CTDSPL: variants seen among roughly 807,000 people sequenced by gnomAD.
CTDSPL encodes the protein CTD small phosphatase like.
CTDSPL carries 8 observed loss-of-function variants against 30.5 expected under a neutral mutation model. That is an observed-to-expected ratio of 0.26 (90% confidence interval 0.15 to 0.47). CTDSPL has a LOEUF of 0.47. Ranked by LOEUF, CTDSPL falls within the 20% of genes least tolerant of loss-of-function variation. The pLI, the probability that CTDSPL is intolerant of heterozygous loss-of-function variation, is 0.99. For missense variants in CTDSPL, 248 were observed against 366.1 expected (o/e 0.68, Z 2.63); for synonymous variants, 110 against 137.9 (o/e 0.80, Z 1.42).
intron 1 of CTDSPL, among the ~76,000 whole-genome samples, chr3:37,928,431 G>C (rs1045401421): frequency 2.0e-5 from 3 of 152,176 alleles, no homozygotes; most frequent in Admixed American, 6.5e-5. Context: ...AGCCTAATAG[G>C]TGTGAAGTGA....
chr3:37,866,828 G>A (rs1297590026), intron 1 of CTDSPL, among the ~76,000 whole-genome samples: 1 of 152,098 alleles, frequency 6.6e-6, no homozygotes, highest in Non-Finnish European at 1.5e-5. Context: ...GAAGACTTTT[G>A]GAAGCAATAA....
intron 1 of CTDSPL, among the ~76,000 whole-genome samples, chr3:37,924,823 C>T (rs887923876): frequency 5.9e-5 from 9 of 152,162 alleles, no homozygotes; most frequent in African/African-American, 2.2e-4. Context: ...GGTAGGCTCT[C>T]GCTGTCCTGC....
At chr3:37,892,825 A>G (rs575404824) in intron 1 of CTDSPL, among the ~76,000 whole-genome samples, 2 of 152,316 alleles carry the variant, frequency 1.3e-5, no homozygotes, top group Admixed American at 6.5e-5. Context: ...TAAATACTTA[A>G]TAAGTGTGCT....
chr3:37,866,291 A>C (rs972048606), intron 1 of CTDSPL, among the ~76,000 whole-genome samples: 1 of 152,168 alleles, frequency 6.6e-6, no homozygotes, highest in African/African-American at 2.4e-5. Flanking sequence ...TTTGAAGAAC[A>C]GTATAAACAG....
chr3:37,891,977 G>T (rs1366109243), intron 1 of CTDSPL, among the ~76,000 whole-genome samples: 1 of 152,096 alleles, frequency 6.6e-6, no homozygotes, highest in Non-Finnish European at 1.5e-5. Flanking sequence ...ATAAAAATGA[G>T]ATCAATACAA....
At chr3:37,867,629 C>G (rs1698025633) in intron 1 of CTDSPL, among the ~76,000 whole-genome samples, 1 of 152,132 alleles carries the variant, frequency 6.6e-6, no homozygotes, top group African/African-American at 2.4e-5. Flanking sequence ...TTGGTGTTGT[C>G]ACTGTTTTTA....
At chr3:37,883,708 T>C (rs1698233540) in intron 1 of CTDSPL, among the ~76,000 whole-genome samples, 1 of 152,212 alleles carries the variant, frequency 6.6e-6, no homozygotes, top group Non-Finnish European at 1.5e-5. Context: ...GTGAAGCCCT[T>C]TGGGGCCTGG....
intron 1 of CTDSPL, among the ~76,000 whole-genome samples, chr3:37,938,110 A>C (rs1698935542): frequency 6.7e-6 from 1 of 150,230 alleles, no homozygotes; most frequent in Non-Finnish European, 1.5e-5. Context: ...TTCCACCTAC[A>C]TTCCAGCTAC....
At chr3:37,959,919 T>C (rs1699216441) in intron 3 of CTDSPL, among the ~76,000 whole-genome samples, 1 of 152,186 alleles carries the variant, frequency 6.6e-6, no homozygotes, top group Non-Finnish European at 1.5e-5. Context: ...AAGAATAGTA[T>C]CAGGCCAGGC....
chr3:37,934,003 A>G (rs1172500173), intron 1 of CTDSPL, among the ~76,000 whole-genome samples: 1 of 152,244 alleles, frequency 6.6e-6, no homozygotes, highest in African/African-American at 2.4e-5. Context: ...ATGGCACAGT[A>G]TATGTCCATA....
intron 1 of CTDSPL, among the ~76,000 whole-genome samples, chr3:37,946,115 G>A (rs868172235): frequency 2.0e-5 from 3 of 152,202 alleles, no homozygotes; most frequent in African/African-American, 2.4e-5. Flanking sequence ...CCACTGATCC[G>A]CCCAGGCATG....
In CTDSPL at chr3:37,961,896, A is replaced by C. The variant is rs564908653; in HGVS notation, c.268-2675A>C. Among the ~76,000 whole-genome samples, 9 of 152,266 alleles carry C rather than the reference A, an allele frequency of 5.9e-5. No homozygotes were observed. The South Asian group carries it at 8.3e-4, about 14-fold the overall frequency. ...GAAATAAGCTTAGTGTTAACTATTC[A>C]TGGCTGCCAGTTCTCTGCCAAGGAC... On this transcript the variant is annotated intron_variant, in intron 3 of 7. Transcript: ENST00000273179.
At chr3:37,923,849 A>T (rs1179822444) in intron 1 of CTDSPL, among the ~76,000 whole-genome samples, 1 of 152,004 alleles carries the variant, frequency 6.6e-6, no homozygotes, top group East Asian at 1.9e-4. Context: ...TTCACACAGT[A>T]TTAAATCACT....
chr3:37,882,047 C>T (rs558401527), intron 1 of CTDSPL, among the ~76,000 whole-genome samples: 10 of 152,322 alleles, frequency 6.6e-5, no homozygotes, highest in Admixed American at 5.9e-4. Flanking sequence ...GTGGCTCACG[C>T]CTGTAGTCCC....
chr3:37,888,066 C>T (rs531499763), intron 1 of CTDSPL, among the ~76,000 whole-genome samples: 8 of 152,232 alleles, frequency 5.3e-5, no homozygotes, highest in African/African-American at 1.9e-4. Flanking sequence ...GGAGTGAAGG[C>T]TGTGCGAGAT....
At chr3:37,918,116 A>T (rs1040193297) in intron 1 of CTDSPL, among the ~76,000 whole-genome samples, 3 of 152,096 alleles carry the variant, frequency 2.0e-5, no homozygotes, top group African/African-American at 7.2e-5. Context: ...TGCTAAATAA[A>T]CCCAGTTACG....
At chr3:37,863,050 TGTTTA>T (rs1202622842) in intron 1 of CTDSPL, among the ~76,000 whole-genome samples, 1 of 152,056 alleles carries the variant, frequency 6.6e-6, no homozygotes, top group African/African-American at 2.4e-5. Context: ...TGTCTGGGTG[TGTTTA>T]GTTGGTTGTG....
intron 1 of CTDSPL, among the ~76,000 whole-genome samples, chr3:37,941,697 T>G (rs1292595228): frequency 6.7e-6 from 1 of 150,120 alleles, no homozygotes; most frequent in Non-Finnish European, 1.5e-5. Flanking sequence ...GCCGGGCATG[T>G]TTTCATTGAC....
chr3:37,950,509 TG>T (rs979590860), intron 2 of CTDSPL, among the ~76,000 whole-genome samples: 5 of 152,330 alleles, frequency 3.3e-5, no homozygotes, highest in African/African-American at 1.2e-4. Context: ...TGGTCACTGC[TG>T]GGAACTGAAT....
Sources: gnomAD v4.1 joint callset for allele counts (sites outside exome capture counted in the v4.1 genomes callset) on GRCh38, gnomAD v4.1.1 for gene constraint, MANE v1.5 for transcripts, NCBI Gene and HGNC (gene_info 2026-07-23, HGNC 2026-07-21) for gene names.